Variants in ACACA observed in about 807,000 individuals in gnomAD.
ACACA encodes acetyl-CoA carboxylase alpha.
A neutral mutation model predicts 296.1 loss-of-function variants in ACACA; 103 were observed. The observed-to-expected ratio is 0.35, with a 90% CI of 0.30 to 0.41. The LOEUF (loss-of-function observed/expected upper bound fraction) is 0.41. Among genes scored for constraint, ACACA ranks in the 10% least tolerant of loss-of-function variants. The probability of loss-of-function intolerance (pLI) is 1.00; values close to 1 mark genes in which losing one functional copy is unlikely to be tolerated. For missense variants in ACACA, 1,554 were observed against 2,989.7 expected, an observed-to-expected ratio of 0.52 and a Z score of 11.20; for synonymous variants, 953 against 1,038.6, an observed-to-expected ratio of 0.92 and a Z score of 1.58.
chr17:37,310,134 G>C (rs1295733624), intron 3 of ACACA, among the ~76,000 whole-genome samples: 1 of 152,186 alleles, frequency 6.6e-6, no homozygotes, highest in East Asian at 1.9e-4. Context: ...AATCTAGTTA[G>C]GTGATCATTC....
chr17:37,185,231 G>A (rs1267186200), intron 39 of ACACA, among the ~76,000 whole-genome samples: 1 of 151,946 alleles, frequency 6.6e-6, no homozygotes, highest in Non-Finnish European at 1.5e-5. Context: ...CTTCAATAAA[G>A]GTGTTATTTA....
At chr17:37,346,595 A>G (rs1358599689) in intron 1 of ACACA, among the ~76,000 whole-genome samples, 1 of 147,074 alleles carries the variant, frequency 6.8e-6, no homozygotes, top group Non-Finnish European at 1.5e-5. Context: ...TCAGCTACTC[A>G]GGAGGCTGAG....
At chr17:37,357,386 G>A (rs1409452486) in intron 1 of ACACA, among the ~76,000 whole-genome samples, 5 of 152,038 alleles carry the variant, frequency 3.3e-5, no homozygotes, top group Non-Finnish European at 5.9e-5. Flanking sequence ...CCAGCTACTC[G>A]GGAGGCTGAG....
chr17:37,276,501 A>G (rs908370960), intron 7 of ACACA, among the ~76,000 whole-genome samples: 2 of 152,220 alleles, frequency 1.3e-5, no homozygotes, highest in African/African-American at 4.8e-5. Context: ...CATAATCTTC[A>G]TTGTTTAAGG....
At position 37,174,020 on chromosome 17, in the gene ACACA, ATT is replaced by A. The variant is rs71159693; in HGVS notation, c.5079+5238_5079+5239del. Among the ~76,000 whole-genome samples, 64 of 16,766 alleles carry A rather than the reference ATT, an allele frequency of 3.8e-3. 1 individual carries two copies. Among genetic ancestry groups the A allele is most frequent in the Non-Finnish European group, 4.6e-3 (47 of 10,124 alleles). 11.0% of individuals were successfully genotyped at this position (16,766 alleles called of 152,430 possible). A position where few individuals can be genotyped will look rare whatever the true frequency, so the allele number is the denominator to read the frequency against. ...TATATATATATATATATATATATAT[ATT>A]TTTTTTTTTTTTTTTTTTTGTAGCG... On this transcript the variant is annotated intron_variant, in intron 41 of 55. Coordinates refer to ENST00000616317, the MANE Select transcript of ACACA (RefSeq NM_198834.3).
In ACACA at chr17:37,391,613, T is replaced by C. The variant is rs544163830; in HGVS notation, c.38+14649A>G. 114 of 1,590,558 alleles carry C rather than the reference T, an allele frequency of 7.2e-5. No individual in the cohort carries two copies. The East Asian group carries it at 2.5e-3, about 34-fold the overall frequency. On this transcript the variant is annotated intron_variant, in intron 1 of 55. Coordinates refer to ENST00000616317, the MANE Select transcript of ACACA (RefSeq NM_198834.3). ...CATGAAGAACTATACACTTGCATCC[T>C]TTTTTAACTTTCATATTTCCTTTCA...
At chr17:37,215,361 G>A (rs2078935466) in intron 29 of ACACA, among the ~76,000 whole-genome samples, 1 of 152,084 alleles carries the variant, frequency 6.6e-6, no homozygotes. Context: ...CATCAAATGT[G>A]ATGCTTCTTA....
chr17:37,397,978 C>A (rs908771256), intron 1 of ACACA, among the ~76,000 whole-genome samples: 3 of 152,202 alleles, frequency 2.0e-5, no homozygotes, highest in Admixed American at 2.0e-4. Flanking sequence ...CTCCTGTAAT[C>A]CCAGCACTTT....
intron 25 of ACACA, 131 bp downstream of exon 25, chr17:37,234,844 G>T: frequency 1.9e-6 from 2 of 1,047,474 alleles, no homozygotes; most frequent in Non-Finnish European, 2.8e-6. Flanking sequence ...TTAATCCACA[G>T]CTCAAGCCCC....
At chr17:37,296,827 G>A (rs921620160) in intron 3 of ACACA, among the ~76,000 whole-genome samples, 12 of 151,426 alleles carry the variant, frequency 7.9e-5, no homozygotes, top group Non-Finnish European at 1.5e-4. Flanking sequence ...AGCAATTCTC[G>A]TGCCTCAACC....
intron 54 of ACACA, among the ~76,000 whole-genome samples, chr17:37,092,365 G>C (rs1472151736): frequency 1.4e-4 from 21 of 151,752 alleles, no homozygotes; most frequent in Admixed American, 9.8e-4. Context: ...CTAACATCAT[G>C]ACAGGCCTGG....
chr17:37,176,982 T>C (rs1286570342), intron 41 of ACACA, among the ~76,000 whole-genome samples: 3 of 152,028 alleles, frequency 2.0e-5, no homozygotes, highest in Admixed American at 6.6e-5. Flanking sequence ...TAGTCAATCA[T>C]TTGAAAAGAA....
chr17:37,175,850 C>A (rs186524982), intron 41 of ACACA, among the ~76,000 whole-genome samples: 79 of 152,272 alleles, frequency 5.2e-4, no homozygotes, highest in African/African-American at 1.9e-3. Flanking sequence ...CCTTTAGTTA[C>A]ATCTTTCTTT....
intron 3 of ACACA, among the ~76,000 whole-genome samples, chr17:37,305,789 C>T (rs1483782761): frequency 1.3e-5 from 2 of 152,170 alleles, no homozygotes; most frequent in Admixed American, 6.5e-5. Context: ...ATGGTCTACC[C>T]ACACTGGTAA....
At position 37,253,824 on chromosome 17, in the gene ACACA, T is replaced by C. The variant is rs140919191; in HGVS notation, c.1827-788A>G. Among the ~76,000 whole-genome samples, 995 of 152,276 alleles carry C rather than the reference T, an allele frequency of 6.5e-3. 7 individuals are homozygous for C. Among genetic ancestry groups the C allele is most frequent in the Middle Eastern group, 0.051 (15 of 294 alleles). On this transcript the variant is annotated intron_variant, in intron 14 of 55. Coordinates refer to ENST00000616317, the MANE Select transcript of ACACA (RefSeq NM_198834.3). ...ATACAGTTCAATGAATTTTCCCAAG[T>C]GCTTAATTTAAAGATTTCCATACAG... is the stretch of plus-strand genomic sequence containing the variant.
chr17:37,374,830 GA>G (rs2049938047), intron 1 of ACACA, among the ~76,000 whole-genome samples: 1 of 152,090 alleles, frequency 6.6e-6, no homozygotes, highest in Non-Finnish European at 1.5e-5. Flanking sequence ...GGAGTGTGAA[GA>G]TGTGCAAAAC....
intron 3 of ACACA, among the ~76,000 whole-genome samples, chr17:37,304,075 C>T (rs2083755886): frequency 6.6e-6 from 1 of 152,122 alleles, no homozygotes; most frequent in Non-Finnish European, 1.5e-5. Flanking sequence ...TTTCCTAATA[C>T]CTAATAACTA....
At position 37,130,196 on chromosome 17, in the gene ACACA, G is replaced by A; in HGVS notation, c.5702C>T (p.Thr1901Ile). 1 of 1,614,194 alleles carries A rather than the reference G, an allele frequency of 6.2e-7. No individual in the cohort carries two copies. The highest frequency in any genetic ancestry group is 8.5e-7 in the Non-Finnish European group (1 of 1,180,030). The stretch of plus-strand genomic sequence containing the variant: ...GATGCCCCCCAGCTGGTTATTGGAG[G>A]TGTACACTTCCCGCCCGAGGACCTA... ...LNKVLGREVYTSNNQLGGIQI... is the reference protein window; with the variant it reads ...LNKVLGREVYISNNQLGGIQI... The change falls in exon 46 of 56, where the codon ACC becomes ATC. Residue 1901 changes from threonine to isoleucine, a missense_variant. Physicochemically the swap from Thr to Ile is moderately conservative, Grantham distance 89 (BLOSUM62 -1). Coordinates refer to ENST00000616317, the MANE Select transcript of ACACA (RefSeq NM_198834.3).
In ACACA at chr17:37,252,047, C is replaced by T. The variant is rs1212759132; in HGVS notation, c.2039G>A (p.Ser680Asn). 3 of 1,614,104 alleles carry T rather than the reference C, an allele frequency of 1.9e-6. No homozygotes were observed. Among genetic ancestry groups the T allele is most frequent in the African/African-American group, 1.3e-5 (1 of 74,930 alleles). The change falls in exon 16 of 56, where the codon AGC (serine) becomes AAC (asparagine). Residue 680 changes from serine to asparagine, a missense_variant. This residue lies in a region of ACACA where 316 missense variants were observed against 540.9 expected (regional missense o/e 0.58). Transcript: ENST00000616317. ...VCGALHVADV[S>N]LRNSVSNFLH... ...GAAGTTAGAGACGCTATTCCGCAGGCTCACATCTGCCACGTGGAGGGCACC... is the reference window on the plus strand; with the variant it reads ...GAAGTTAGAGACGCTATTCCGCAGGTTCACATCTGCCACGTGGAGGGCACC...
Sources: gnomAD v4.1 joint callset for allele counts (sites outside exome capture counted in the v4.1 genomes callset) on GRCh38, gnomAD v4.1.1 for gene constraint, gnomAD v4.1.1 regional missense constraint, MANE v1.5 for transcripts, NCBI Gene and HGNC (gene_info 2026-07-23, HGNC 2026-07-21) for gene names.